The following ZNF536 variants were observed in gnomAD, a reference collection of about 807,000 sequenced individuals.
The protein encoded by ZNF536 is zinc finger protein 536.
Under a neutral mutation model 84.5 loss-of-function variants are expected in ZNF536, and 13 were observed. The ratio of observed to expected loss-of-function variants is 0.15; its 90% CI spans 0.10 to 0.24. ZNF536 has a LOEUF of 0.24. Ranked by LOEUF, ZNF536 falls within the 10% of genes least tolerant of loss-of-function variation. The pLI is 1.00. For synonymous variants in ZNF536, 811 were observed against 742.5 expected, an observed-to-expected ratio of 1.09 and a Z score of -1.50; for missense variants, 1,536 against 1,747.5, an observed-to-expected ratio of 0.88 and a Z score of 2.16.
intron 2 of ZNF536, among the ~76,000 whole-genome samples, chr19:30,481,473 G>C (rs1199894212): frequency 6.6e-6 from 1 of 152,056 alleles, no homozygotes; most frequent in African/African-American, 2.4e-5. Context: ...TCGTGTCCTG[G>C]AATCCTACCT....
At chr19:30,582,012 C>T (rs934571524) in intron 1 of ZNF536, among the ~76,000 whole-genome samples, 2 of 152,122 alleles carry the variant, frequency 1.3e-5, no homozygotes, top group Admixed American at 6.5e-5. Context: ...CACTGAATGT[C>T]GCAGGATTCC....
intron 1 of ZNF536, among the ~76,000 whole-genome samples, chr19:30,619,713 G>A (rs534641699): frequency 8.5e-5 from 13 of 152,194 alleles, no homozygotes; most frequent in African/African-American, 1.2e-4. Context: ...TATTTCTCAT[G>A]TCTGTCTATA....
At chr19:30,497,163 G>T (rs2054754850) in intron 2 of ZNF536, among the ~76,000 whole-genome samples, 1 of 152,158 alleles carries the variant, frequency 6.6e-6, no homozygotes, top group South Asian at 2.1e-4. Context: ...CTGTGGGTGT[G>T]CCCCTGGGTG....
intron 2 of ZNF536, among the ~76,000 whole-genome samples, chr19:30,328,568 C>A (rs1347753332): frequency 6.6e-6 from 1 of 152,170 alleles, no homozygotes; most frequent in Non-Finnish European, 1.5e-5. Flanking sequence ...GTCCACGTAG[C>A]CCTAACTAAT....
At chr19:30,705,794 G>A (rs2052203177) in intron 1 of ZNF536, among the ~76,000 whole-genome samples, 1 of 152,048 alleles carries the variant, frequency 6.6e-6, no homozygotes, top group Non-Finnish European at 1.5e-5. Flanking sequence ...AGCTTTAGAT[G>A]GATTTACATA....
At chr19:30,428,682 G>T (rs556926836) in intron 1 of ZNF536, among the ~76,000 whole-genome samples, 26 of 152,112 alleles carry the variant, frequency 1.7e-4, no homozygotes, top group Non-Finnish European at 2.9e-4. Flanking sequence ...GGGGGTGGGG[G>T]AAGATGTTGA....
At position 30,608,323 on chromosome 19, in the gene ZNF536, A is replaced by G. The variant is rs116503990; in HGVS notation, c.169+58809A>G. 4.7e-3 allele frequency among the ~76,000 whole-genome samples: 716 copies of G among 152,228 alleles called. 6 individuals are homozygous for G. The highest frequency in any genetic ancestry group is 0.016 in the African/African-American group (682 of 41,542). On this transcript the variant is annotated intron_variant, in intron 1 of 1. Coordinates refer to the ZNF536 transcript ENST00000592773. ...ATTCACCTCATCACAGGAAGTATTT[A>G]CCTAGGGTCATTTTTTTTTGCAGGT...
intron 1 of ZNF536, among the ~76,000 whole-genome samples, chr19:30,668,210 G>T (rs2050406921): frequency 6.6e-6 from 1 of 152,038 alleles, no homozygotes; most frequent in African/African-American, 2.4e-5. Context: ...GCAAAATTAA[G>T]ATATTTATTT....
At chr19:30,628,645 G>A (rs1294680838) in intron 1 of ZNF536, among the ~76,000 whole-genome samples, 2 of 151,874 alleles carry the variant, frequency 1.3e-5, no homozygotes, top group African/African-American at 4.8e-5. Context: ...TAGCCAGGAT[G>A]GTCTCGATCT....
chr19:30,384,152 C>CTTTCTT (rs2049215691), intron 1 of ZNF536, among the ~76,000 whole-genome samples: 1 of 84,808 alleles, frequency 1.2e-5, no homozygotes, highest in South Asian at 5.2e-4. Context: ...TTCTTTCTTT[C>CTTTCTT]TTTCTTTCTT....
chr19:30,494,953 A>G (rs1223267714), intron 2 of ZNF536, among the ~76,000 whole-genome samples: 2 of 114,662 alleles, frequency 1.7e-5, no homozygotes, highest in Non-Finnish European at 4.3e-5. Flanking sequence ...CTCAAAAAAG[A>G]AAAAAAAAAA....
chr19:30,464,606 G>A (rs183936350), intron 2 of ZNF536, among the ~76,000 whole-genome samples: 1 of 151,964 alleles, frequency 6.6e-6, no homozygotes, highest in East Asian at 1.9e-4. Context: ...GCTTCTGCTT[G>A]GAAATGTGTG....
At position 30,272,709 on chromosome 19, in the gene ZNF536, A is replaced by G. The variant is rs183728694; in HGVS notation, c.-189-11363A>G. On this transcript the variant is annotated intron_variant, in intron 1 of 5. Transcript: ENST00000585628. ...TGGCTTCTTTCACTTAGAAATATGC[A>G]TTTAAATTTTCTCCATGTCTTTTCA... is the stretch of plus-strand genomic sequence containing the variant. Among the ~76,000 whole-genome samples, 39 of 152,252 alleles carry G rather than the reference A, an allele frequency of 2.6e-4. No individual in the cohort carries two copies. The South Asian group carries it at 3.3e-3, about 13-fold the overall frequency.
At chr19:30,628,711 T>G (rs2072242961) in intron 1 of ZNF536, among the ~76,000 whole-genome samples, 1 of 152,030 alleles carries the variant, frequency 6.6e-6, no homozygotes. Flanking sequence ...TTATTTATTT[T>G]TTTGTTTGAC....
intron 2 of ZNF536, among the ~76,000 whole-genome samples, chr19:30,499,324 T>G (rs534584760): frequency 6.6e-6 from 1 of 152,236 alleles, no homozygotes; most frequent in Non-Finnish European, 1.5e-5. Context: ...TAAGTATGAA[T>G]GTACATATGT....
chr19:30,574,534 CA>C (rs1159459198), intron 1 of ZNF536, among the ~76,000 whole-genome samples: 1 of 152,228 alleles, frequency 6.6e-6, no homozygotes, highest in Non-Finnish European at 1.5e-5. Context: ...AAGGTCCAGC[CA>C]AAGACATTGG....
At chr19:30,608,050 A>C (rs553257435) in intron 1 of ZNF536, among the ~76,000 whole-genome samples, 14 of 152,358 alleles carry the variant, frequency 9.2e-5, no homozygotes, top group Admixed American at 7.2e-4. Context: ...TATTTCATGC[A>C]AAACTTCACC....
At chr19:30,704,669 A>AAG (rs2052147801) in intron 1 of ZNF536, among the ~76,000 whole-genome samples, 1 of 151,022 alleles carries the variant, frequency 6.6e-6, no homozygotes, top group Non-Finnish European at 1.5e-5. Context: ...AAAAAAAAAA[A>AAG]AGAGATAGAT....
intron 1 of ZNF536, among the ~76,000 whole-genome samples, chr19:30,402,874 C>T (rs12979159): frequency 6.8e-6 from 1 of 146,848 alleles, no homozygotes; most frequent in African/African-American, 2.5e-5. Flanking sequence ...TAGACTGGGT[C>T]GGAGGGGAAT....
Sources: allele counts gnomAD v4.1 joint callset (sites outside exome capture counted in the v4.1 genomes callset), GRCh38; gene constraint gnomAD v4.1.1; transcripts MANE v1.5; gene names NCBI Gene and HGNC (gene_info 2026-07-23, HGNC 2026-07-21).